The following SGMS1 variants were observed in gnomAD, a reference collection of about 807,000 sequenced individuals.
SGMS1 encodes sphingomyelin synthase 1.
Under a neutral mutation model 46.2 loss-of-function variants are expected in SGMS1, and 13 were observed. The ratio of observed to expected loss-of-function variants is 0.28; its 90% CI spans 0.18 to 0.45. The LOEUF (loss-of-function observed/expected upper bound fraction) is 0.45, where lower values mean the gene tolerates loss of function less well. Among genes scored for constraint, SGMS1 ranks in the 20% least tolerant of loss-of-function variants. The pLI is 1.00. For synonymous variants in SGMS1, 203 were observed against 187.8 expected (o/e 1.08, Z -0.66); for missense variants, 324 against 519.9 (o/e 0.62, Z 3.66).
intron 5 of SGMS1, among the ~76,000 whole-genome samples, chr10:50,443,943 A>G (rs1378120010): frequency 6.6e-6 from 1 of 152,136 alleles, no homozygotes; most frequent in Non-Finnish European, 1.5e-5. Context: ...TAATTCAAGG[A>G]AAATTTTTTA....
intron 5 of SGMS1, among the ~76,000 whole-genome samples, chr10:50,454,980 C>T (rs1480531797): frequency 6.6e-6 from 1 of 152,102 alleles, no homozygotes; most frequent in African/African-American, 2.4e-5. Flanking sequence ...TATTGTTTAC[C>T]TCCCTCTTTA....
In SGMS1 at chr10:50,307,408, TC is replaced by T; in HGVS notation, c.1063-88del. 2 of 1,196,082 alleles carry T rather than the reference TC, an allele frequency of 1.7e-6. No individual in the cohort carries two copies. Among genetic ancestry groups the T allele is most frequent in the Non-Finnish European group, 2.4e-6 (2 of 842,780 alleles). 74.1% of individuals were successfully genotyped at this position (1,196,082 alleles called of 1,614,324 possible). A position where few individuals can be genotyped will look rare whatever the true frequency, so the allele number is the denominator to read the frequency against. ...TGCCACGCTAAAATTCCCAAAGGAC[TC>T]CATACCTGCCCTGCGTGTCCACCCA... On this transcript the variant is annotated intron_variant, in intron 10 of 10. Coordinates refer to ENST00000361781, the MANE Select transcript of SGMS1 (RefSeq NM_147156.4). This position sits in a 1 kb window ranked among gnomAD's most constrained non-coding sequence, Gnocchi z 4.2.
At chr10:50,417,534 T>A (rs1353583689) in intron 6 of SGMS1, among the ~76,000 whole-genome samples, 1 of 152,148 alleles carries the variant, frequency 6.6e-6, no homozygotes. Context: ...AGCACAGTTA[T>A]GGAGTAAACA....
chr10:50,532,020 A>G (rs1209123425), intron 2 of SGMS1, among the ~76,000 whole-genome samples: 2 of 152,184 alleles, frequency 1.3e-5, no homozygotes, highest in African/African-American at 4.8e-5. Context: ...GCCCTTGAAT[A>G]ACACTGTTTA....
rs1023733349 is a variant in SGMS1 at position 50,355,642 on chromosome 10, G to A, written c.-231-11297C>T. On this transcript the variant is annotated intron_variant, in intron 6 of 10. Transcript: ENST00000361781. ...TCGCTACAACCTCCACCTCCCAGCCGCCTGCCTTGGCCTCCCAAAGTGCAG... is the reference window on the plus strand; with the variant it reads ...TCGCTACAACCTCCACCTCCCAGCCACCTGCCTTGGCCTCCCAAAGTGCAG... 1.1e-4 allele frequency among the ~76,000 whole-genome samples: 16 copies of A among 152,180 alleles called. 1 individual carries two copies. The highest frequency in any genetic ancestry group is 3.4e-4 in the African/African-American group (14 of 41,444).
At chr10:50,461,849 C>T (rs1432533514) in intron 4 of SGMS1, among the ~76,000 whole-genome samples, 2 of 152,198 alleles carry the variant, frequency 1.3e-5, no homozygotes, top group Non-Finnish European at 1.5e-5. Context: ...TCCCTCCGTA[C>T]CCTCCCAACT....
intron 2 of SGMS1, among the ~76,000 whole-genome samples, chr10:50,533,104 G>C (rs754673418): frequency 4.6e-5 from 7 of 152,192 alleles, no homozygotes; most frequent in African/African-American, 1.7e-4. Flanking sequence ...AGTAAACATA[G>C]AATATTTTTA....
At position 50,533,201 on chromosome 10, in the gene SGMS1, C is replaced by T. The variant is rs187532765; in HGVS notation, c.-588-13280G>A. Among the ~76,000 whole-genome samples the T allele has an allele frequency of 1.1e-4, 16 of 152,200 alleles. No individual in the cohort carries two copies. The East Asian group carries it at 2.3e-3, about 22-fold the overall frequency. ...TATTATACAAGTATTGCAATCTCAC[C>T]GAAATCTTTGACAAAGATGATGAAA... On this transcript the variant is annotated intron_variant, in intron 2 of 10. Transcript: ENST00000361781.
intron 2 of SGMS1, among the ~76,000 whole-genome samples, chr10:50,575,837 C>G (rs937075022): frequency 6.6e-6 from 1 of 152,082 alleles, no homozygotes; most frequent in African/African-American, 2.4e-5. Flanking sequence ...TTTCCAATAC[C>G]TTCTGAAAGG....
chr10:50,491,683 C>G (rs1366538863), intron 3 of SGMS1, among the ~76,000 whole-genome samples: 1 of 152,144 alleles, frequency 6.6e-6, no homozygotes, highest in Non-Finnish European at 1.5e-5. Context: ...AAATACCCTA[C>G]CAACCAAGGA....
At chr10:50,380,098 T>G (rs1164691252) in intron 6 of SGMS1, among the ~76,000 whole-genome samples, 2 of 152,062 alleles carry the variant, frequency 1.3e-5, no homozygotes, top group Non-Finnish European at 2.9e-5. Context: ...AATCCTCCCT[T>G]GGCTGGGCAC....
chr10:50,525,811 G>C (rs1265819675), intron 2 of SGMS1, among the ~76,000 whole-genome samples: 2 of 152,108 alleles, frequency 1.3e-5, no homozygotes, highest in African/African-American at 4.8e-5. Flanking sequence ...TTAGCCTAAA[G>C]CATAAGAATT....
At chr10:50,577,574 C>T (rs1366460657) in intron 2 of SGMS1, among the ~76,000 whole-genome samples, 2 of 152,088 alleles carry the variant, frequency 1.3e-5, no homozygotes, top group Non-Finnish European at 2.9e-5. Flanking sequence ...TTTAATGCAA[C>T]CTCAAAATAA....
rs572225875 is a variant in SGMS1, at chr10:50,356,147, C to T, written c.-231-11802G>A. Among the ~76,000 whole-genome samples the T allele has an allele frequency of 2.0e-5, 3 of 152,306 alleles. No homozygotes were observed. The East Asian group carries it at 5.8e-4, about 29-fold the overall frequency. ...GGAAATGTGGGGAAAAGAAAGAGATCAGATTGTTACTCTGTCTGTGTAGAA... is the reference window on the plus strand; with the variant it reads ...GGAAATGTGGGGAAAAGAAAGAGATTAGATTGTTACTCTGTCTGTGTAGAA... On this transcript the variant is annotated intron_variant, in intron 6 of 10. Coordinates refer to ENST00000361781, the MANE Select transcript of SGMS1 (RefSeq NM_147156.4).
intron 6 of SGMS1, among the ~76,000 whole-genome samples, chr10:50,381,223 G>A (rs1848600329): frequency 6.6e-6 from 1 of 150,946 alleles, no homozygotes; most frequent in Non-Finnish European, 1.5e-5. Flanking sequence ...GGGTTTGCCT[G>A]AGTCCCATGG....
intron 2 of SGMS1, among the ~76,000 whole-genome samples, chr10:50,571,997 G>A (rs759378866): frequency 2.6e-5 from 4 of 152,104 alleles, no homozygotes; most frequent in Non-Finnish European, 5.9e-5. Flanking sequence ...GACCAACAAA[G>A]GAAAATGAGA....
At chr10:50,505,299 T>C (rs1269452314) in intron 3 of SGMS1, among the ~76,000 whole-genome samples, 1 of 152,220 alleles carries the variant, frequency 6.6e-6, no homozygotes, top group East Asian at 1.9e-4. Context: ...GGTTATAATT[T>C]AGCCCCAAAA....
intron 1 of SGMS1, among the ~76,000 whole-genome samples, chr10:50,595,842 G>C (rs562716411): frequency 6.6e-6 from 1 of 152,282 alleles, no homozygotes; most frequent in African/African-American, 2.4e-5. Flanking sequence ...AGGCAGAGTG[G>C]GTGCCGATAA....
At chr10:50,394,402 A>G (rs1212768026) in intron 6 of SGMS1, among the ~76,000 whole-genome samples, 1 of 152,230 alleles carries the variant, frequency 6.6e-6, no homozygotes, top group Non-Finnish European at 1.5e-5. Context: ...TTCCCTTGAC[A>G]CTACAGATGC....
Sources: allele counts gnomAD v4.1 joint callset (sites outside exome capture counted in the v4.1 genomes callset), GRCh38; gene constraint gnomAD v4.1.1; non-coding constraint Gnocchi (gnomAD v3.1); transcripts MANE v1.5; gene names NCBI Gene and HGNC (gene_info 2026-07-23, HGNC 2026-07-21).